Variants in NDUFS4 observed in about 807,000 individuals in gnomAD.
NDUFS4 encodes the protein NADH:ubiquinone oxidoreductase subunit S4.
In NDUFS4, 28 loss-of-function variants were observed where a neutral mutation model predicts 24.3. The observed-to-expected ratio is 1.15, with a 90% confidence interval of 0.85 to 1.58. The LOEUF is 1.58. NDUFS4 is among the 40% of genes most tolerant of loss of function. The pLI, the probability that NDUFS4 is intolerant of heterozygous loss-of-function variation, is 0.00. For missense variants in NDUFS4, 223 were observed against 207.9 expected, an observed-to-expected ratio of 1.07 and a Z score of -0.45; for synonymous variants, 93 against 69.7, an observed-to-expected ratio of 1.34 and a Z score of -1.67.
At chr5:53,680,262 A>G (rs1233812954) in intron 4 of NDUFS4, among the ~76,000 whole-genome samples, 3 of 152,174 alleles carry the variant, frequency 2.0e-5, no homozygotes, top group Non-Finnish European at 2.9e-5. Flanking sequence ...TAAAATTTCA[A>G]TAAAAATACA....
intron 2 of NDUFS4, among the ~76,000 whole-genome samples, chr5:53,617,811 T>C (rs1261421349): frequency 1.3e-5 from 2 of 152,220 alleles, no homozygotes; most frequent in Non-Finnish European, 2.9e-5. Flanking sequence ...ATACATGGGA[T>C]AATGGCAAGA....
chr5:53,658,529 G>GA (rs755897648), intron 3 of NDUFS4, 22 bp from the exon 4 acceptor site: 22 of 1,590,448 alleles, frequency 1.4e-5, no homozygotes, highest in Non-Finnish European at 1.8e-5. Flanking sequence ...TTAAATCTTG[G>GA]AAAAAAATTT....
intron 2 of NDUFS4, among the ~76,000 whole-genome samples, chr5:53,620,101 G>A (rs575055695): frequency 2.0e-5 from 3 of 151,022 alleles, no homozygotes; most frequent in South Asian, 2.1e-4. Flanking sequence ...GGGCAACATC[G>A]CAAGACCCCA....
chr5:53,634,695 T>C (rs1334604715), intron 2 of NDUFS4, among the ~76,000 whole-genome samples: 1 of 152,122 alleles, frequency 6.6e-6, no homozygotes, highest in Non-Finnish European at 1.5e-5. Context: ...CTCAAACAGT[T>C]CATTTGCCTC....
At chr5:53,674,482 C>T (rs1740392383) in intron 4 of NDUFS4, among the ~76,000 whole-genome samples, 1 of 152,118 alleles carries the variant, frequency 6.6e-6, no homozygotes. Context: ...GTCCTGAACC[C>T]TATCATTATC....
intron 4 of NDUFS4, among the ~76,000 whole-genome samples, chr5:53,663,461 A>T (rs1227458969): frequency 6.6e-6 from 1 of 151,932 alleles, no homozygotes; most frequent in African/African-American, 2.4e-5. Context: ...ATTGCGTGGG[A>T]GTCTTAAGTC....
chr5:53,575,753 G>C (rs1469785415), intron 1 of NDUFS4, among the ~76,000 whole-genome samples: 2 of 151,828 alleles, frequency 1.3e-5, no homozygotes, highest in Admixed American at 6.6e-5. Flanking sequence ...TGATGGCCAG[G>C]CTGGTTTCAA....
At chr5:53,570,935 C>T (rs577167596) in intron 1 of NDUFS4, among the ~76,000 whole-genome samples, 18 of 152,130 alleles carry the variant, frequency 1.2e-4, no homozygotes, top group Admixed American at 2.0e-4. Flanking sequence ...CTGCCTGCCT[C>T]GGCCTCCCAA....
intron 1 of NDUFS4, among the ~76,000 whole-genome samples, chr5:53,571,178 A>G (rs980078781): frequency 1.3e-5 from 2 of 152,190 alleles, no homozygotes; most frequent in Non-Finnish European, 2.9e-5. Context: ...TCCATCACTC[A>G]AACTCTGTAC....
chr5:53,641,260 CT>C lies in NDUFS4; in HGVS notation c.178-4972del, dbSNP rs566437379. Among the ~76,000 whole-genome samples the C allele has an allele frequency of 2.0e-5, 3 of 152,250 alleles. No homozygotes were observed. The South Asian group carries it at 6.2e-4, about 32-fold the overall frequency. On this transcript the variant is annotated intron_variant, in intron 2 of 4. Transcript: ENST00000296684. ...AACTGGGATTCCAACCCAGTTTTGA[CT>C]CAGCCCTTTGCTTTTAGCCAAGGCT...
intron 4 of NDUFS4, among the ~76,000 whole-genome samples, chr5:53,678,958 G>A (rs1447750523): frequency 6.6e-6 from 1 of 152,122 alleles, no homozygotes; most frequent in Non-Finnish European, 1.5e-5. Context: ...TCCAGGTACT[G>A]TAACAAACAC....
At chr5:53,570,351 C>T (rs1749167595) in intron 1 of NDUFS4, among the ~76,000 whole-genome samples, 1 of 152,122 alleles carries the variant, frequency 6.6e-6, no homozygotes, top group Non-Finnish European at 1.5e-5. Context: ...CATGTATCGA[C>T]AGTTTGTTCC....
intron 1 of NDUFS4, among the ~76,000 whole-genome samples, chr5:53,570,008 T>C (rs962035782): frequency 6.6e-6 from 1 of 152,182 alleles, no homozygotes; most frequent in African/African-American, 2.4e-5. Flanking sequence ...AAAGAAAAAT[T>C]AACTGTTTTC....
At chr5:53,615,409 A>G (rs1350651219) in intron 2 of NDUFS4, among the ~76,000 whole-genome samples, 1 of 152,042 alleles carries the variant, frequency 6.6e-6, no homozygotes, top group African/African-American at 2.4e-5. Context: ...AGGAGAACGT[A>G]GACTTTAAAA....
chr5:53,665,340 T>C (rs1231270797), intron 4 of NDUFS4, among the ~76,000 whole-genome samples: 1 of 152,172 alleles, frequency 6.6e-6, no homozygotes, highest in Non-Finnish European at 1.5e-5. Context: ...GGAGAACCAC[T>C]ACTCTTCAAA....
intron 1 of NDUFS4, among the ~76,000 whole-genome samples, chr5:53,563,478 CA>C (rs937711541): frequency 1.8e-4 from 27 of 148,214 alleles, no homozygotes; most frequent in African/African-American, 4.2e-4. Flanking sequence ...TGTGAGGAGG[CA>C]AAAAAAGGGG....
chr5:53,621,881 T>C (rs1325986098), intron 2 of NDUFS4, among the ~76,000 whole-genome samples: 1 of 151,798 alleles, frequency 6.6e-6, no homozygotes, highest in African/African-American at 2.4e-5. Flanking sequence ...TTTGTATTTT[T>C]AGTAGAGACG....
chr5:53,651,465 T>TCTCAG (rs1268507829), intron 3 of NDUFS4, among the ~76,000 whole-genome samples: 1 of 151,892 alleles, frequency 6.6e-6, no homozygotes, highest in Non-Finnish European at 1.5e-5. Context: ...TAGTTTGGGT[T>TCTCAG]CTCAGCCTGC....
chr5:53,560,789 G>C (rs757289083), intron 1 of NDUFS4, 29 bp downstream of exon 1: 2 of 1,613,824 alleles, frequency 1.2e-6, no homozygotes, highest in Admixed American at 3.3e-5. Context: ...TTTTCTTCAA[G>C]CTTCTTGGGT....
Sources: allele counts gnomAD v4.1 joint callset (sites outside exome capture counted in the v4.1 genomes callset), GRCh38; gene constraint gnomAD v4.1.1; transcripts MANE v1.5; gene names NCBI Gene and HGNC (gene_info 2026-07-23, HGNC 2026-07-21).